Variants in ARFGEF2 observed in about 807,000 individuals in gnomAD.
ARFGEF2 encodes the protein ARF guanine nucleotide exchange factor 2.
In ARFGEF2, 74 loss-of-function variants were observed where a neutral mutation model predicts 219.9. That is an observed-to-expected ratio of 0.34 (90% confidence interval 0.28 to 0.41). The LOEUF is 0.41. ARFGEF2 is among the 10% of genes least tolerant of loss of function. The pLI is 1.00. For synonymous variants in ARFGEF2, 733 were observed against 799.2 expected, an observed-to-expected ratio of 0.92 and a Z score of 1.40; for missense variants, 1,743 against 2,218.3, an observed-to-expected ratio of 0.79 and a Z score of 4.30.
At chr20:48,937,076 ACT>A (rs960944068) in intron 1 of ARFGEF2, among the ~76,000 whole-genome samples, 1 of 151,998 alleles carries the variant, frequency 6.6e-6, no homozygotes, top group Non-Finnish European at 1.5e-5. Flanking sequence ...AGAGGGTGAG[ACT>A]CTGTCTCCAA....
rs906877757 is a variant in ARFGEF2 at position 49,031,034 on chromosome 20, T to C, written c.5064-1015T>C. ...ATATGTAAATGTCAAGTTTTTGGCA[T>C]GTTTTTTAAAAAAGCAATTAAATGT... On this transcript the variant is annotated intron_variant, in intron 37 of 38. Coordinates refer to ENST00000371917, the MANE Select transcript of ARFGEF2 (RefSeq NM_006420.3). 3.9e-5 allele frequency among the ~76,000 whole-genome samples: 6 copies of C among 152,146 alleles called. No individual in the cohort carries two copies. The South Asian group carries it at 1.2e-3, about 32-fold the overall frequency.
chr20:48,987,376 A>T (rs1209368853), intron 16 of ARFGEF2, among the ~76,000 whole-genome samples: 1 of 152,234 alleles, frequency 6.6e-6, no homozygotes, highest in Non-Finnish European at 1.5e-5. Flanking sequence ...GAAGCTGTAC[A>T]TCCACATGTT....
At chr20:49,005,262 G>GTTGGGGCTCCCAT in intron 26 of ARFGEF2, 41 bp downstream of exon 26, 1 of 1,612,564 alleles carries the variant, frequency 6.2e-7, no homozygotes. Context: ...CAAATTCCCC[G>GTTGGGGCTCCCAT]TTGGGGCTCC....
rs1334264615 is a variant in ARFGEF2 at position 48,966,122 on chromosome 20, A to C, written c.1059+99A>C. On this transcript the variant is annotated intron_variant, in intron 8 of 38. Coordinates refer to ENST00000371917, the MANE Select transcript of ARFGEF2 (RefSeq NM_006420.3). Reference sequence around the variant, plus strand: ...CTCAAAAGAAGCAACTAAAATAAGCAAGCCCTGTTCCTTTATTAGTCACAC... The same window carrying C: ...CTCAAAAGAAGCAACTAAAATAAGCCAGCCCTGTTCCTTTATTAGTCACAC... 8 of 1,460,516 alleles carry C rather than the reference A, an allele frequency of 5.5e-6. No homozygotes were observed. In the Admixed American group the frequency reaches 5.7e-5, roughly 10 times the overall value. The allele number at this position is 1,460,516 out of a possible 1,614,324, so 90.5% of individuals were successfully genotyped here. A position where few individuals can be genotyped will look rare whatever the true frequency, so the allele number is the denominator to read the frequency against.
chr20:48,970,921 T>C (rs1423316079), intron 9 of ARFGEF2, among the ~76,000 whole-genome samples, 199 bp from the exon 10 acceptor site: 1 of 152,178 alleles, frequency 6.6e-6, no homozygotes, highest in African/African-American at 2.4e-5. Context: ...CAAATAGGAG[T>C]TGGCAGCTCT....
intron 27 of ARFGEF2, among the ~76,000 whole-genome samples, chr20:49,011,096 G>A (rs2091494949): frequency 6.6e-6 from 1 of 152,138 alleles, no homozygotes. Flanking sequence ...TGTGTCTTAT[G>A]GAAAAAATAT....
rs745991700 is a variant in ARFGEF2, at chr20:49,013,955, T to C, written c.4174T>C (p.Ser1392Pro). 2.1e-5 allele frequency: 34 copies of C among 1,614,014 alleles called. No individual in the cohort carries two copies. Among genetic ancestry groups the C allele is most frequent in the Non-Finnish European group, 2.8e-5 (33 of 1,179,932 alleles). Residue 1392 changes from serine to proline, a missense_variant, in exon 30 of 39, where the codon TCA becomes CCA. This residue lies in a region of ARFGEF2 where 578 missense variants were observed against 664.0 expected (regional missense o/e 0.87). Coordinates refer to ENST00000371917, the MANE Select transcript of ARFGEF2 (RefSeq NM_006420.3). ...CAATATGAAACTCCCTGAGCAACTG[T>C]CAGAGGTAGGTGATAACTACAGCAC... ...FDNMKLPEQL[S>P]EKSEWMTTTC...
chr20:48,956,309 C>A lies in ARFGEF2; in HGVS notation c.838+2519C>A, dbSNP rs77920338. Among the ~76,000 whole-genome samples the A allele has an allele frequency of 6.8e-4, 103 of 152,310 alleles. 2 individuals are homozygous for A. The highest frequency in any genetic ancestry group is 2.4e-3 in the Admixed American group (36 of 15,304). On this transcript the variant is annotated intron_variant, in intron 6 of 38. Coordinates refer to ENST00000371917, the MANE Select transcript of ARFGEF2 (RefSeq NM_006420.3). ...AATTTAATTAACTGGGAATCCCCCC[C>A]ACAGCCTTCCTAGGATAATTTGCCT...
In ARFGEF2 at chr20:48,985,365, G is replaced by A. The variant is rs375097417; in HGVS notation, c.2071-43G>A. The A allele has an allele frequency of 1.5e-4, 241 of 1,605,156 alleles. No individual in the cohort carries two copies. In the South Asian group the frequency reaches 1.8e-3, roughly 12 times the overall value. ...GGCTGCTGGCTTTTGCTGAGGGTTC[G>A]TATTTGACAATTTCTGGATATAAGT... On this transcript the variant is annotated intron_variant, in intron 15 of 38. Coordinates refer to ENST00000371917, the MANE Select transcript of ARFGEF2 (RefSeq NM_006420.3).
chr20:48,944,240 T>C (rs189419341), intron 3 of ARFGEF2, among the ~76,000 whole-genome samples: 90 of 152,342 alleles, frequency 5.9e-4, no homozygotes, highest in African/African-American at 2.0e-3. Context: ...CTGAGGAGAT[T>C]TGGCAGAATT....
At chr20:49,018,408 G>A (rs1231371669) in intron 33 of ARFGEF2, among the ~76,000 whole-genome samples, 1 of 151,906 alleles carries the variant, frequency 6.6e-6, no homozygotes. Flanking sequence ...GCTAATTTTT[G>A]TATTTTTAGC....
intron 6 of ARFGEF2, among the ~76,000 whole-genome samples, chr20:48,963,024 A>G (rs186405481): frequency 3.3e-4 from 50 of 152,206 alleles, no homozygotes; most frequent in Non-Finnish European, 5.9e-4. Flanking sequence ...CCTAGGCAAC[A>G]TAGAGAAACC....
intron 1 of ARFGEF2, among the ~76,000 whole-genome samples, chr20:48,932,888 G>C (rs1055691872): frequency 6.6e-6 from 1 of 152,132 alleles, no homozygotes; most frequent in African/African-American, 2.4e-5. Flanking sequence ...GGTTTCTGTG[G>C]GGGAAGCCTG....
chr20:49,033,418 G>A lies in ARFGEF2; in HGVS notation c.*219G>A. 2 of 547,280 alleles carry A rather than the reference G, an allele frequency of 3.7e-6. No individual in the cohort carries two copies. The highest frequency in any genetic ancestry group is 6.5e-6 in the Non-Finnish European group (2 of 306,698). 33.9% of individuals were successfully genotyped at this position (547,280 alleles called of 1,614,324 possible). On this transcript the variant is annotated 3_prime_UTR_variant, in exon 39 of 39. Coordinates refer to ENST00000371917, the MANE Select transcript of ARFGEF2 (RefSeq NM_006420.3). ...CATACCCAGTTAGCACAGTAGGTGG[G>A]GAGTCTGCTTCATTTCTATCATTCC... is the stretch of plus-strand genomic sequence containing the variant.
At chr20:49,015,255 A>G (rs6019583) in intron 30 of ARFGEF2, among the ~76,000 whole-genome samples, 37,380 of 151,972 alleles carry the variant, frequency 0.25, 5,260 homozygotes, top group East Asian at 0.47. Context: ...CTGGGACTGC[A>G]GGCTAATGCC....
intron 33 of ARFGEF2, among the ~76,000 whole-genome samples, chr20:49,017,883 G>A (rs1217608779): frequency 6.6e-6 from 1 of 152,168 alleles, no homozygotes; most frequent in African/African-American, 2.4e-5. Flanking sequence ...TTCTTTGAGA[G>A]CAGTCTTTTC....
chr20:48,926,829 G>T (rs1201797521), intron 1 of ARFGEF2, among the ~76,000 whole-genome samples: 1 of 152,152 alleles, frequency 6.6e-6, no homozygotes, highest in Non-Finnish European at 1.5e-5. Flanking sequence ...AGAGCAACTT[G>T]CCCATCCACA....
intron 3 of ARFGEF2, 106 bp from the exon 4 acceptor site, chr20:48,951,217 C>G: frequency 7.2e-7 from 1 of 1,390,302 alleles, no homozygotes. Flanking sequence ...GAGCAGAGGA[C>G]TCTGTAGGAA....
intron 25 of ARFGEF2, among the ~76,000 whole-genome samples, chr20:49,002,302 G>T (rs140849743): frequency 5.3e-5 from 8 of 152,082 alleles, no homozygotes; most frequent in African/African-American, 1.9e-4. Context: ...TTAAGTGTGC[G>T]GTTCAGTAGT....
Sources: allele counts gnomAD v4.1 joint callset (sites outside exome capture counted in the v4.1 genomes callset), GRCh38; gene constraint gnomAD v4.1.1; regional missense constraint gnomAD v4.1.1; transcripts MANE v1.5; gene names NCBI Gene and HGNC (gene_info 2026-07-23, HGNC 2026-07-21).